The following ZNF138 variants were observed in gnomAD, a reference collection of about 807,000 sequenced individuals.
The protein encoded by ZNF138 is zinc finger protein 138, also known as zinc finger protein 138 (clone pHZ-32).
In ZNF138, 33 loss-of-function variants were observed where a neutral mutation model predicts 33.0. The observed-to-expected ratio is 1.00, with a 90% confidence interval of 0.76 to 1.34. The LOEUF (loss-of-function observed/expected upper bound fraction) is 1.34, where lower values mean the gene tolerates loss of function less well. Ranked by LOEUF, ZNF138 falls within the 40% of genes most tolerant of loss-of-function variation. The pLI, the probability that ZNF138 is intolerant of heterozygous loss-of-function variation, is 0.00. For missense variants in ZNF138, 360 were observed against 370.8 expected, an observed-to-expected ratio of 0.97 and a Z score of 0.24; for synonymous variants, 139 against 120.4, an observed-to-expected ratio of 1.15 and a Z score of -1.01.
At chr7:64,853,319 G>A in the ZNF138 span, 10 of 1,607,690 alleles carry the variant, frequency 6.2e-6, no homozygotes, top group Admixed American at 5.0e-5. Context: ...TGTCCAATTC[G>A]TAACTTTCCG....
the ZNF138 span, among the ~76,000 whole-genome samples, chr7:64,845,095 C>T: frequency 6.6e-6 from 1 of 152,190 alleles, no homozygotes; most frequent in African/African-American, 2.4e-5. Context: ...CCCAACACTC[C>T]TCTCTGAGTC....
intron 1 of ZNF138, among the ~76,000 whole-genome samples, chr7:64,807,369 T>C (rs1787688641): frequency 6.6e-6 from 1 of 152,222 alleles, no homozygotes; most frequent in Non-Finnish European, 1.5e-5. Context: ...TAACTGCTGC[T>C]AATCAAAGCG....
chr7:64,846,097 C>T, the ZNF138 span, among the ~76,000 whole-genome samples: 1 of 152,154 alleles, frequency 6.6e-6, no homozygotes, highest in African/African-American at 2.4e-5. Flanking sequence ...TTTCTGGGTT[C>T]TCCATGCTGC....
intron 3 of ZNF138, among the ~76,000 whole-genome samples, chr7:64,827,552 T>A (rs1298803732): frequency 1.3e-5 from 2 of 152,218 alleles, no homozygotes; most frequent in Non-Finnish European, 2.9e-5. Context: ...AGTGTTCTAG[T>A]GGTAATAAAC....
At chr7:64,844,222 T>C in the ZNF138 span, among the ~76,000 whole-genome samples, 1 of 152,244 alleles carries the variant, frequency 6.6e-6, no homozygotes, top group African/African-American at 2.4e-5. Flanking sequence ...GGCCCAAGCC[T>C]GTGTGCCCAA....
the ZNF138 span, among the ~76,000 whole-genome samples, chr7:64,860,596 G>T: frequency 6.6e-6 from 1 of 151,952 alleles, no homozygotes; most frequent in Non-Finnish European, 1.5e-5. Context: ...TAAATAAATG[G>T]GCAGCACTTT....
chr7:64,838,371 C>G (rs1790422322), downstream of ZNF138, among the ~76,000 whole-genome samples: 1 of 151,104 alleles, frequency 6.6e-6, no homozygotes, highest in African/African-American at 2.4e-5. Context: ...GAAACAGTTG[C>G]AAGGCAGGCA....
At chr7:64,814,046 TC>T in intron 1 of ZNF138, 4 of 1,203,306 alleles carry the variant, frequency 3.3e-6, no homozygotes, top group Non-Finnish European at 4.2e-6. Flanking sequence ...AAGGCTCTCA[TC>T]TTTGTTTACA....
intron 1 of ZNF138, among the ~76,000 whole-genome samples, chr7:64,809,159 G>A (rs186476813): frequency 8.4e-6 from 1 of 118,580 alleles, no homozygotes; most frequent in African/African-American, 3.1e-5. Flanking sequence ...CAGTAGGGGC[G>A]GCCGGGCAGA....
At chr7:64,815,771 C>A in intron 3 of ZNF138, 118 bp downstream of exon 3, 1 of 972,050 alleles carries the variant, frequency 1.0e-6, no homozygotes, top group South Asian at 1.6e-5. Context: ...TCTGGAAAGC[C>A]TGAGTTTTTT....
intron 1 of ZNF138, among the ~76,000 whole-genome samples, chr7:64,795,763 T>C (rs1195485024): frequency 1.3e-5 from 2 of 152,148 alleles, no homozygotes; most frequent in African/African-American, 4.8e-5. Flanking sequence ...TTGGAAACTT[T>C]ATAAGGTAAT....
intron 1 of ZNF138, among the ~76,000 whole-genome samples, chr7:64,800,477 C>T (rs775930245): frequency 1.3e-5 from 2 of 152,044 alleles, no homozygotes; most frequent in Non-Finnish European, 2.9e-5. Flanking sequence ...GTTAATGTAA[C>T]GAATCACATT....
At chr7:64,801,429 T>C (rs1298804806) in intron 1 of ZNF138, among the ~76,000 whole-genome samples, 2 of 152,192 alleles carry the variant, frequency 1.3e-5, no homozygotes, top group Non-Finnish European at 2.9e-5. Flanking sequence ...CCAAAAGTTA[T>C]TCAGGTACAG....
intron 1 of ZNF138, among the ~76,000 whole-genome samples, chr7:64,803,256 AG>A (rs1378338931): frequency 3.3e-5 from 4 of 122,384 alleles, no homozygotes; most frequent in African/African-American, 1.2e-4. Context: ...GCTTTGGCAA[AG>A]GTTTTTTTTT....
At chr7:64,838,055 A>C (rs534047778), downstream of ZNF138, among the ~76,000 whole-genome samples, 5 of 152,256 alleles carry the variant, frequency 3.3e-5, no homozygotes, top group South Asian at 8.3e-4. Flanking sequence ...ATGGCAAAAC[A>C]GAGTAGGTAG....
At chr7:64,827,496 G>A (rs1427803128) in intron 3 of ZNF138, among the ~76,000 whole-genome samples, 24 of 152,116 alleles carry the variant, frequency 1.6e-4, no homozygotes, top group Non-Finnish European at 2.9e-4. Context: ...CATCCGCCTC[G>A]GCCTCCCAAA....
At position 64,832,535 on chromosome 7, in the gene ZNF138, C is replaced by A; in HGVS notation, c.*333C>A. 1 of 667,766 alleles carries A rather than the reference C, an allele frequency of 1.5e-6. No homozygotes were observed. The highest frequency in any genetic ancestry group is 1.8e-5 in the South Asian group (1 of 56,648). 41.4% of individuals were successfully genotyped at this position (667,766 alleles called of 1,614,324 possible). On this transcript the variant is annotated 3_prime_UTR_variant, in exon 4 of 4. Coordinates refer to ENST00000307355, the MANE Select transcript of ZNF138 (RefSeq NM_001271639.2). ...AATGCGGAAAAGCCTTTAACTGGTCCTCAACTCTTATTACACATAAGATAA... is the reference window on the plus strand; with the variant it reads ...AATGCGGAAAAGCCTTTAACTGGTCATCAACTCTTATTACACATAAGATAA...
chr7:64,860,098 C>T, the ZNF138 span, among the ~76,000 whole-genome samples: 2 of 152,290 alleles, frequency 1.3e-5, no homozygotes, highest in East Asian at 3.9e-4. Flanking sequence ...AATCATTCCA[C>T]TGCACTTCAG....
the ZNF138 span, chr7:64,852,386 T>C: frequency 1.3e-6 from 2 of 1,484,174 alleles, no homozygotes; most frequent in Non-Finnish European, 1.9e-6. Flanking sequence ...CAGCTATTTC[T>C]GCTTAGATTA....
Sources: gnomAD v4.1 joint callset for allele counts (sites outside exome capture counted in the v4.1 genomes callset) on GRCh38, gnomAD v4.1.1 for gene constraint, MANE v1.5 for transcripts, NCBI Gene and HGNC (gene_info 2026-07-23, HGNC 2026-07-21) for gene names.